The following MAGI1 variants were observed in gnomAD, a reference collection of about 807,000 sequenced individuals.
The protein encoded by MAGI1 is membrane associated guanylate kinase, WW and PDZ domain containing 1, also known as membrane-associated guanylate kinase, WW and PDZ domain-containing protein 1.
A neutral mutation model predicts 139.9 loss-of-function variants in MAGI1; 58 were observed. That is an observed-to-expected ratio of 0.41 (90% CI 0.34 to 0.52). The LOEUF is 0.52. Ranked by LOEUF, MAGI1 falls within the 20% of genes least tolerant of loss-of-function variation. The pLI is 0.12. For synonymous variants in MAGI1, 812 were observed against 737.9 expected (o/e 1.10, Z -1.63); for missense variants, 1,874 against 1,901.6 (o/e 0.99, Z 0.27).
intron 2 of MAGI1, among the ~76,000 whole-genome samples, chr3:65,508,125 C>T (rs924237114): frequency 3.9e-5 from 6 of 152,220 alleles, no homozygotes; most frequent in Admixed American, 1.3e-4. Flanking sequence ...TAAAATCGGC[C>T]GGGCGCGGTG....
intron 1 of MAGI1, among the ~76,000 whole-genome samples, chr3:66,019,644 T>C (rs1202230102): frequency 6.6e-6 from 1 of 152,184 alleles, no homozygotes; most frequent in African/African-American, 2.4e-5. Flanking sequence ...ATAGTGTCTG[T>C]GGAGAGTTTG....
intron 1 of MAGI1, among the ~76,000 whole-genome samples, chr3:65,939,786 T>C (rs1210920970): frequency 6.6e-6 from 1 of 152,190 alleles, no homozygotes; most frequent in Non-Finnish European, 1.5e-5. Flanking sequence ...GGTTTGAGTC[T>C]AACAAGGTTT....
chr3:65,374,672 T>C (rs1315420397), intron 18 of MAGI1, among the ~76,000 whole-genome samples: 1 of 152,198 alleles, frequency 6.6e-6, no homozygotes, highest in East Asian at 1.9e-4. Context: ...TATTTTGTGC[T>C]GGGTAACTTT....
intron 2 of MAGI1, among the ~76,000 whole-genome samples, chr3:65,606,793 C>T (rs991331004): frequency 6.6e-6 from 1 of 152,100 alleles, no homozygotes; most frequent in African/African-American, 2.4e-5. Context: ...GCTGGGATGA[C>T]AGGTGTGAGC....
chr3:65,476,033 G>A (rs1014319432), intron 4 of MAGI1, among the ~76,000 whole-genome samples: 4 of 151,666 alleles, frequency 2.6e-5, no homozygotes, highest in African/African-American at 7.3e-5. Context: ...AGCAGAAGCC[G>A]ACACCTCATT....
At chr3:66,011,854 C>T (rs1350044353) in intron 1 of MAGI1, among the ~76,000 whole-genome samples, 1 of 142,578 alleles carries the variant, frequency 7.0e-6, no homozygotes, top group Non-Finnish European at 1.5e-5. Context: ...AAAAAAAAAA[C>T]TGGAATGAGA....
intron 6 of MAGI1, chr3:65,452,771 TAC>T (rs1391079029): frequency 1.3e-5 from 2 of 155,146 alleles, no homozygotes; most frequent in Non-Finnish European, 1.4e-5. Context: ...TACTCTAAGT[TAC>T]ACAGAGATTC....
At chr3:65,897,648 A>G (rs1166730345) in intron 1 of MAGI1, among the ~76,000 whole-genome samples, 2 of 152,036 alleles carry the variant, frequency 1.3e-5, no homozygotes, top group Admixed American at 1.3e-4. Flanking sequence ...GACTTAAAGT[A>G]TAATTAAAAA....
intron 1 of MAGI1, among the ~76,000 whole-genome samples, chr3:65,668,390 G>T (rs549917202): frequency 1.8e-4 from 28 of 151,986 alleles, no homozygotes; most frequent in African/African-American, 6.0e-4. Context: ...GCCAGAGCCA[G>T]GTGTTAAACA....
At chr3:65,508,258 G>C (rs2077388195) in intron 2 of MAGI1, among the ~76,000 whole-genome samples, 1 of 152,036 alleles carries the variant, frequency 6.6e-6, no homozygotes, top group Admixed American at 6.5e-5. Context: ...GAAAAAGTTA[G>C]CCGGGCGTGG....
chr3:65,998,981 A>T (rs747122623), intron 1 of MAGI1, among the ~76,000 whole-genome samples: 7 of 152,170 alleles, frequency 4.6e-5, no homozygotes, highest in Admixed American at 6.6e-5. Context: ...CTAAATGGGG[A>T]TAAAATCGCA....
chr3:65,366,166 G>C (rs1333109119), intron 18 of MAGI1, among the ~76,000 whole-genome samples: 2 of 152,102 alleles, frequency 1.3e-5, no homozygotes, highest in Non-Finnish European at 2.9e-5. Context: ...AAAAGTATAT[G>C]CAATGTTTAA....
intron 7 of MAGI1, among the ~76,000 whole-genome samples, chr3:65,443,892 A>T (rs1948504297): frequency 6.6e-6 from 1 of 152,208 alleles, no homozygotes; most frequent in Admixed American, 6.5e-5. Flanking sequence ...AATTCAAGGA[A>T]TCATGTGGTC....
chr3:65,950,090 CAAA>C (rs2063750487), intron 1 of MAGI1, among the ~76,000 whole-genome samples: 3 of 17,070 alleles, frequency 1.8e-4, no homozygotes, highest in Non-Finnish European at 2.6e-4. Context: ...AAAAAAAAAA[CAAA>C]CAAAAAAAAA....
intron 12 of MAGI1, among the ~76,000 whole-genome samples, chr3:65,418,036 A>T (rs1575672244): frequency 6.6e-6 from 1 of 152,260 alleles, no homozygotes; most frequent in African/African-American, 2.4e-5. Context: ...TGTGACAGGT[A>T]CCTACTCAGT....
At chr3:65,722,493 C>A (rs1225074132) in intron 1 of MAGI1, among the ~76,000 whole-genome samples, 2 of 151,824 alleles carry the variant, frequency 1.3e-5, no homozygotes, top group Non-Finnish European at 2.9e-5. Flanking sequence ...ATTAGCTAGA[C>A]ACAGTGGCAT....
chr3:65,624,197 A>G (rs140987604), intron 1 of MAGI1, among the ~76,000 whole-genome samples: 13 of 152,320 alleles, frequency 8.5e-5, no homozygotes, highest in African/African-American at 3.1e-4. Context: ...TCGTCCTCTT[A>G]GGAAAACAAT....
At chr3:65,637,598 A>AAGAAAGAT (rs2084713250) in intron 1 of MAGI1, among the ~76,000 whole-genome samples, 1 of 151,468 alleles carries the variant, frequency 6.6e-6, no homozygotes, top group Non-Finnish European at 1.5e-5. Context: ...GAAAGAAAGA[A>AAGAAAGAT]AGAAAGAAAG....
intron 1 of MAGI1, among the ~76,000 whole-genome samples, chr3:65,916,089 CAG>C (rs1258126150): frequency 1.3e-5 from 2 of 148,330 alleles, no homozygotes; most frequent in African/African-American, 5.0e-5. Context: ...TTTTTTGAGA[CAG>C]AGTCTTGCTC....
Sources: allele counts gnomAD v4.1 joint callset (sites outside exome capture counted in the v4.1 genomes callset), GRCh38; gene constraint gnomAD v4.1.1; transcripts MANE v1.5; gene names NCBI Gene and HGNC (gene_info 2026-07-23, HGNC 2026-07-21).